The following TIGD6 variants were observed in gnomAD, a reference collection of about 807,000 sequenced individuals.
The protein encoded by TIGD6 is tigger transposable element derived 6.
Under a neutral mutation model 2.6 loss-of-function variants are expected in TIGD6, and 1 was observed. That is an observed-to-expected ratio of 0.39 (90% CI 0.14 to 1.85). The LOEUF (loss-of-function observed/expected upper bound fraction) is 1.85, where lower values mean the gene tolerates loss of function less well. Ranked by LOEUF, TIGD6 falls within the 40% of genes most tolerant of loss-of-function variation. The pLI, the probability that TIGD6 is intolerant of heterozygous loss-of-function variation, is 0.32. For missense variants in TIGD6, 601 were observed against 634.2 expected (o/e 0.95, Z 0.56); for synonymous variants, 193 against 221.9 (o/e 0.87, Z 1.16).
Position 149,998,354 on chromosome 5 carries a change from T to A in TIGD6, c.-81-1925A>T, listed in dbSNP as rs145307384. 1.4e-4 allele frequency among the ~76,000 whole-genome samples: 21 copies of A among 152,226 alleles called. No homozygotes were observed. The East Asian group carries it at 3.3e-3, about 24-fold the overall frequency. On this transcript the variant is annotated intron_variant, in intron 1 of 1. Transcript: ENST00000296736. ...TATTTTCTTTTTTTCCTTTTTTTTTTAATACATATTTTTGAAAAGTCCCAT... is the reference window on the plus strand; with the variant it reads ...TATTTTCTTTTTTTCCTTTTTTTTTAAATACATATTTTTGAAAAGTCCCAT...
rs950946863 is a variant in TIGD6, at chr5:149,994,337, G to C, written c.*446C>G. On this transcript the variant is annotated 3_prime_UTR_variant, in exon 2 of 2. Transcript: ENST00000296736. ...GGAAGCCCCTGAGATACACTTACTG[G>C]AAAGAAGCTGGACCCAGGCCCACAG... is the stretch of plus-strand genomic sequence containing the variant. The C allele has an allele frequency of 2.6e-5, 4 of 152,728 alleles. No homozygotes were observed. The highest frequency in any genetic ancestry group is 9.6e-5 in the African/African-American group (4 of 41,540). 9.5% of individuals were successfully genotyped at this position (152,728 alleles called of 1,614,324 possible).
intron 1 of TIGD6, among the ~76,000 whole-genome samples, chr5:149,998,469 TA>T (rs1273029135): frequency 6.6e-6 from 1 of 152,134 alleles, no homozygotes; most frequent in Non-Finnish European, 1.5e-5. Context: ...CAAATGCCTT[TA>T]GGGGCCAGGA....
At position 149,995,269 on chromosome 5, in the gene TIGD6, C is replaced by T. The variant is rs144777583; in HGVS notation, c.1080G>A (p.Trp360Ter). 1.2e-6 allele frequency: 2 copies of T among 1,614,268 alleles called. No homozygotes were observed. Among genetic ancestry groups the T allele is most frequent in the Non-Finnish European group, 1.7e-6 (2 of 1,180,056 alleles). Residue 360 changes from tryptophan (W) to a stop codon, truncating the protein, a stop_gained, in exon 2 of 2, where the codon TGG becomes TGA. Transcript: ENST00000296736. LOFTEE classifies it low-confidence loss of function (END_TRUNC). ...CCACTGTGGATGGCTTGACTGACCA[C>T]CACGCTGCAGCAATCATGTCGATGG... is the stretch of plus-strand genomic sequence containing the variant. Reference protein sequence around the residue: ...KQAIDMIAAAWWSVKPSTVVK... With the variant: ...KQAIDMIAAA
At chr5:150,000,050 AG>A (rs1438867297) in intron 1 of TIGD6, 23 of 154,882 alleles carry the variant, frequency 1.5e-4, no homozygotes, top group African/African-American at 5.0e-4. Context: ...CGGTAGATGC[AG>A]AGAAGTAGGC....
chr5:149,996,500 C>T (rs1052147278), intron 1 of TIGD6, 71 bp from the exon 2 acceptor site: 6 of 1,148,442 alleles, frequency 5.2e-6, no homozygotes, highest in African/African-American at 1.5e-5. Flanking sequence ...AGGATTTTTA[C>T]AAATTGTATT....
In TIGD6 at chr5:149,993,387, A is replaced by C. The variant is rs1755306064; in HGVS notation, c.*1396T>G. The C allele has an allele frequency of 2.6e-5, 4 of 152,308 alleles. No homozygotes were observed. The South Asian group carries it at 8.3e-4, about 32-fold the overall frequency. The allele number at this position is 152,308 out of a possible 1,614,324, so 9.4% of individuals were successfully genotyped here. On this transcript the variant is annotated 3_prime_UTR_variant, in exon 2 of 2. Transcript: ENST00000296736. ...CACACCATTAGCAGGTATTGTGTGA[A>C]ACTTCTAAAAATGAAACTGACATTT...
Position 149,996,329 on chromosome 5 carries a change from T to C in TIGD6, c.20A>G (p.Lys7Arg). Residue 7 changes from lysine (K) to arginine (R), a missense_variant, in exon 2 of 2, where the codon AAG becomes AGG. Coordinates refer to ENST00000296736, the MANE Select transcript of TIGD6 (RefSeq NM_030953.4). MANKGN[K>R]KRRQFSLEEK... is the part of the protein sequence containing the mutation. ...CTCCAGAGAGAACTGCCGACGCTTC[T>C]TGTTCCCCTTGTTTGCCATTTCCAG... is the stretch of plus-strand genomic sequence containing the variant. 2 of 1,606,412 alleles carry C rather than the reference T, an allele frequency of 1.2e-6. No individual in the cohort carries two copies. Among genetic ancestry groups the C allele is most frequent in the Non-Finnish European group, 1.7e-6 (2 of 1,176,136 alleles).
Position 150,000,592 on chromosome 5 carries a change from A to T in TIGD6, c.-200T>A, listed in dbSNP as rs1755526039. On this transcript the variant is annotated 5_prime_UTR_variant, in exon 1 of 2. Transcript: ENST00000296736. ...GGAAGCAGTCCGTTCGCCTTACTAGACCCGCTCCAAGCCTTTGAGCAGTTC... is the reference window on the plus strand; with the variant it reads ...GGAAGCAGTCCGTTCGCCTTACTAGTCCCGCTCCAAGCCTTTGAGCAGTTC... 1 of 154,238 alleles carries T rather than the reference A, an allele frequency of 6.5e-6. No homozygotes were observed. The allele number at this position is 154,238 out of a possible 1,614,324, so 9.6% of individuals were successfully genotyped here. A position where few individuals can be genotyped will look rare whatever the true frequency, so the allele number is the denominator to read the frequency against.
Position 149,995,752 on chromosome 5 carries a change from G to A in TIGD6, c.597C>T (p.His199=), listed in dbSNP as rs1183445455. Residue 199 remains histidine (H), a synonymous_variant, in exon 2 of 2, where the codon CAC becomes CAT. Coordinates refer to ENST00000296736, the MANE Select transcript of TIGD6 (RefSeq NM_030953.4). ...PQHTLAAKGD[H]CRGGKKAKQR... ...GCTTTGCTTTCTTGCCCCCTCTACAGTGGTCTCCTTTAGCAGCAAGTGTGT... is the reference window on the plus strand; with the variant it reads ...GCTTTGCTTTCTTGCCCCCTCTACAATGGTCTCCTTTAGCAGCAAGTGTGT... The A allele has an allele frequency of 1.9e-6, 3 of 1,614,196 alleles. No individual in the cohort carries two copies. Among genetic ancestry groups the A allele is most frequent in the East Asian group, 2.2e-5 (1 of 44,884 alleles).
At chr5:149,997,503 G>A (rs538494980) in intron 1 of TIGD6, among the ~76,000 whole-genome samples, 20 of 150,734 alleles carry the variant, frequency 1.3e-4, no homozygotes, top group South Asian at 8.4e-4. Context: ...GTACATTTGC[G>A]TTCTAGCCTG....
rs1755379891 is a variant in TIGD6, at chr5:149,996,115, A to G, written c.234T>C (p.Ile78=). 6.2e-7 allele frequency: 1 copy of G among 1,614,142 alleles called. No homozygotes were observed. Among genetic ancestry groups the G allele is most frequent in the Non-Finnish European group, 8.5e-7 (1 of 1,180,032 alleles). Residue 78 remains isoleucine (I), a synonymous_variant, in exon 2 of 2, where the codon ATT becomes ATC. Transcript: ENST00000296736. ...KRMRSALYDD[I]DKAVFAWFQE... is the part of the protein sequence containing the mutation. The stretch of plus-strand genomic sequence containing the variant: ...GAAACCAAGCAAAAACAGCCTTATC[A>G]ATGTCATCATAAAGAGCGCTCCTCA...
intron 1 of TIGD6, among the ~76,000 whole-genome samples, chr5:149,997,213 C>T (rs1245422071): frequency 6.6e-6 from 1 of 152,128 alleles, no homozygotes; most frequent in Non-Finnish European, 1.5e-5. Context: ...CTGAGATCTC[C>T]AAGAATATGG....
At chr5:149,998,465 C>A (rs1397910231) in intron 1 of TIGD6, among the ~76,000 whole-genome samples, 1 of 152,002 alleles carries the variant, frequency 6.6e-6, no homozygotes, top group South Asian at 2.1e-4. Context: ...AACTCAAATG[C>A]CTTTAGGGGC....
In TIGD6 at chr5:149,996,273, A is replaced by C. The variant is rs888504139; in HGVS notation, c.76T>G (p.Ser26Ala). The change falls in exon 2 of 2, where the codon TCA (serine) becomes GCA (alanine). Residue 26 changes from serine (S) to alanine (A), a missense_variant. Coordinates refer to ENST00000296736, the MANE Select transcript of TIGD6 (RefSeq NM_030953.4). ...GCCACATCACCTTTCCTCTTGCCTG[A>C]GTCTACAGCTCCCACAACTTTCATT... ...EKMKVVGAVD[S>A]GKRKGDVAKE... 1.9e-6 allele frequency: 3 copies of C among 1,614,174 alleles called. No individual in the cohort carries two copies. Among genetic ancestry groups the C allele is most frequent in the Non-Finnish European group, 2.5e-6 (3 of 1,180,046 alleles).
intron 1 of TIGD6, among the ~76,000 whole-genome samples, chr5:149,998,488 G>GT (rs1386737117): frequency 6.6e-6 from 1 of 152,148 alleles, no homozygotes; most frequent in East Asian, 1.9e-4. Context: ...GGATGGTGGC[G>GT]TAAGTGAGTG....
At position 149,995,776 on chromosome 5, in the gene TIGD6, G is replaced by A; in HGVS notation, c.573C>T (p.His191=). The stretch of plus-strand genomic sequence containing the variant: ...AGTGGTCTCCTTTAGCAGCAAGTGT[G>A]TGCTGGGGAAGCAACTGGAAAAACA... ...TGVFFQLLPQ[H]TLAAKGDHCR... is the part of the protein sequence containing the mutation. The change falls in exon 2 of 2, where the codon CAC becomes CAT. Residue 191 remains histidine (H), a synonymous_variant. Coordinates refer to ENST00000296736, the MANE Select transcript of TIGD6 (RefSeq NM_030953.4). 6.2e-7 allele frequency: 1 copy of A among 1,614,204 alleles called. No individual in the cohort carries two copies. The highest frequency in any genetic ancestry group is 8.5e-7 in the Non-Finnish European group (1 of 1,180,038).
At chr5:149,996,547 T>C (rs1305530590) in intron 1 of TIGD6, 118 bp from the exon 2 acceptor site, 3 of 717,200 alleles carry the variant, frequency 4.2e-6, no homozygotes, top group African/African-American at 3.6e-5. Flanking sequence ...AAAGAAAAGA[T>C]AGGATTCATG....
chr5:149,994,938 A>G lies in TIGD6; in HGVS notation c.1411T>C (p.Ser471Pro), dbSNP rs980719218. 3 of 1,612,830 alleles carry G rather than the reference A, an allele frequency of 1.9e-6. No individual in the cohort carries two copies. The highest frequency in any genetic ancestry group is 3.3e-5 in the Admixed American group (2 of 59,968). The change falls in exon 2 of 2, where the codon TCA (serine) becomes CCA (proline). Residue 471 changes from serine (S) to proline (P), a missense_variant. Coordinates refer to ENST00000296736, the MANE Select transcript of TIGD6 (RefSeq NM_030953.4). The stretch of plus-strand genomic sequence containing the variant: ...AACTGTCTAAGTTTCTGTACACTTG[A>G]TATGGCTTCTGTGATGGTGACTTTT... Reference protein sequence around the residue: ...QPKVTITEAISSVQKLRQFLS... With the variant: ...QPKVTITEAIPSVQKLRQFLS...
intron 1 of TIGD6, among the ~76,000 whole-genome samples, chr5:149,997,502 C>T (rs1021015277): frequency 2.6e-5 from 4 of 151,678 alleles, no homozygotes; most frequent in East Asian, 1.9e-4. Context: ...CGTACATTTG[C>T]GTTCTAGCCT....
Sources: gnomAD v4.1 joint callset for allele counts (sites outside exome capture counted in the v4.1 genomes callset) on GRCh38, gnomAD v4.1.1 for gene constraint, MANE v1.5 for transcripts, NCBI Gene and HGNC (gene_info 2026-07-23, HGNC 2026-07-21) for gene names.